Variants in ITGB1BP1 observed in about 807,000 individuals in gnomAD.
ITGB1BP1 encodes the protein integrin beta-1-binding protein 1.
ITGB1BP1 carries 20 observed loss-of-function variants against 28.0 expected under a neutral mutation model. That is an observed-to-expected ratio of 0.71 (90% CI 0.50 to 1.04). The LOEUF (loss-of-function observed/expected upper bound fraction) is 1.04, where lower values mean the gene tolerates loss of function less well. Among genes scored for constraint, ITGB1BP1 ranks in the 50% least tolerant of loss-of-function variants. The probability of loss-of-function intolerance (pLI) is 0.00; values close to 1 mark genes in which losing one functional copy is unlikely to be tolerated. For missense variants in ITGB1BP1, 228 were observed against 242.5 expected (o/e 0.94, Z 0.40); for synonymous variants, 103 against 89.5 (o/e 1.15, Z -0.85).
chr2:9,410,011 A>AT (rs1381759524), intron 4 of ITGB1BP1, among the ~76,000 whole-genome samples: 1 of 151,374 alleles, frequency 6.6e-6, no homozygotes, highest in East Asian at 2.0e-4. Context: ...CACCCAACTA[A>AT]TTTTTTTGTA....
intron 2 of ITGB1BP1, among the ~76,000 whole-genome samples, chr2:9,416,559 C>A (rs1340429973): frequency 6.6e-6 from 1 of 152,224 alleles, no homozygotes; most frequent in Non-Finnish European, 1.5e-5. Flanking sequence ...GCCCGCCCTG[C>A]AGATTGCAGA....
intron 6 of ITGB1BP1, 186 bp downstream of exon 6, chr2:9,407,263 A>G (rs1677588629): frequency 3.1e-6 from 2 of 653,088 alleles, no homozygotes; most frequent in South Asian, 3.9e-5. Flanking sequence ...CACTGGCCCT[A>G]ACAAATATTT....
At position 9,423,525 on chromosome 2, in the gene ITGB1BP1, C is replaced by T. The variant is rs1572756526; in HGVS notation, c.-188G>A. 8 of 1,193,190 alleles carry T rather than the reference C, an allele frequency of 6.7e-6. No homozygotes were observed. Among genetic ancestry groups the T allele is most frequent in the African/African-American group, 6.4e-5 (4 of 62,084 alleles). The allele number at this position is 1,193,190 out of a possible 1,614,324, so 73.9% of individuals were successfully genotyped here. On this transcript the variant is annotated 5_prime_UTR_variant, in exon 1 of 7. Transcript: ENST00000355346. ...CGTCCGCCGGGCCGCGCCTCCAAGA[C>T]TATGCGCAGGCGCAGTCCTGACGTC...
chr2:9,422,744 C>T (rs1680047456), intron 1 of ITGB1BP1: 1 of 985,504 alleles, frequency 1.0e-6, no homozygotes, highest in Non-Finnish European at 1.2e-6. Context: ...CAAACGCCTA[C>T]CACGTGCCAT....
chr2:9,413,015 T>A (rs1292845535), intron 3 of ITGB1BP1, among the ~76,000 whole-genome samples: 2 of 152,230 alleles, frequency 1.3e-5, no homozygotes, highest in Non-Finnish European at 2.9e-5. Context: ...ACAGCAACGG[T>A]TGAAGAGCTG....
rs1339005251 is a variant in ITGB1BP1 at position 9,415,328 on chromosome 2, A to C, written c.73-1072T>G. Among the ~76,000 whole-genome samples, 1 of 152,028 alleles carries C rather than the reference A, an allele frequency of 6.6e-6. No homozygotes were observed. Among genetic ancestry groups the C allele is most frequent in the Non-Finnish European group, 1.5e-5 (1 of 67,990 alleles). ...CAGGAGGTGGAGGTTGCAGTGAGCCAAGATCACGCCACTGCACTCCAGCCT... is the reference window on the plus strand; with the variant it reads ...CAGGAGGTGGAGGTTGCAGTGAGCCCAGATCACGCCACTGCACTCCAGCCT... On this transcript the variant is annotated intron_variant, in intron 2 of 6. Coordinates refer to ENST00000355346, the MANE Select transcript of ITGB1BP1 (RefSeq NM_004763.5). The surrounding 1 kb of genome is among the most constrained non-coding windows in gnomAD (Gnocchi z 4.1).
chr2:9,411,713 A>G (rs1271702546), intron 4 of ITGB1BP1, among the ~76,000 whole-genome samples: 3 of 145,332 alleles, frequency 2.1e-5, no homozygotes, highest in Non-Finnish European at 3.0e-5. Flanking sequence ...ACAGACCGAG[A>G]CTCCATCTCA....
At chr2:9,414,575 C>T (rs554209929) in intron 2 of ITGB1BP1, among the ~76,000 whole-genome samples, 1 of 152,366 alleles carries the variant, frequency 6.6e-6, no homozygotes, top group South Asian at 2.1e-4. Context: ...AATATTCTTG[C>T]GAACATCTCT....
At chr2:9,418,776 CTTTTT>C in intron 1 of ITGB1BP1, 44 bp from the exon 2 acceptor site, 6 of 951,988 alleles carry the variant, frequency 6.3e-6, no homozygotes, top group Non-Finnish European at 8.0e-6. Flanking sequence ...GGAAAAGCAA[CTTTTT>C]TTTTTTTTTT....
chr2:9,414,660 C>T (rs987139790), intron 2 of ITGB1BP1, among the ~76,000 whole-genome samples: 17 of 152,192 alleles, frequency 1.1e-4, no homozygotes, highest in Admixed American at 2.6e-4. Flanking sequence ...CCATGATCCC[C>T]GCTTACTAAA....
intron 4 of ITGB1BP1, 81 bp downstream of exon 4, chr2:9,412,188 G>A (rs766809394): frequency 2.0e-5 from 25 of 1,250,516 alleles, no homozygotes; most frequent in Non-Finnish European, 2.4e-5. Context: ...TGGACCCGAG[G>A]AGTGAGCATT....
At chr2:9,417,210 T>G (rs1679255104) in intron 2 of ITGB1BP1, among the ~76,000 whole-genome samples, 1 of 152,056 alleles carries the variant, frequency 6.6e-6, no homozygotes, top group African/African-American at 2.4e-5. Context: ...CACCTGCACC[T>G]GCCTCGCCCA....
At chr2:9,420,364 A>ACCAGGTGT (rs1003449078) in intron 1 of ITGB1BP1, 1 of 152,194 alleles carries the variant, frequency 6.6e-6, no homozygotes, top group African/African-American at 2.4e-5. Context: ...GTGAGCACCT[A>ACCAGGTGT]CCAGGTGTCG....
intron 1 of ITGB1BP1, among the ~76,000 whole-genome samples, chr2:9,421,979 G>T (rs548176532): frequency 4.6e-5 from 7 of 152,150 alleles, no homozygotes; most frequent in South Asian, 2.1e-4. Flanking sequence ...CTCCACCAGG[G>T]CCCCCGTCAT....
chr2:9,410,246 T>C (rs1678173037), intron 4 of ITGB1BP1, among the ~76,000 whole-genome samples: 1 of 152,116 alleles, frequency 6.6e-6, no homozygotes, highest in Non-Finnish European at 1.5e-5. Flanking sequence ...TCAGGTTTTT[T>C]TTGAGACAGT....
At position 9,406,893 on chromosome 2, in the gene ITGB1BP1, C is replaced by T; in HGVS notation, c.544G>A (p.Ala182Thr). 1.9e-6 allele frequency: 3 copies of T among 1,611,830 alleles called. No individual in the cohort carries two copies. Among genetic ancestry groups the T allele is most frequent in the Non-Finnish European group, 2.5e-6 (3 of 1,177,898 alleles). ...GCGGTGGATAAAACCTTGCAAATGG[C>T]TTGTGCTTGTTCCTACATTACATGA... The part of the protein sequence containing the change: ...YQCNSLEQAQ[A>T]ICKVLSTAFD... The change falls in exon 7 of 7, where the codon GCC becomes ACC. Residue 182 changes from alanine (A) to threonine (T), a missense_variant. Ala to Thr is a moderately conservative substitution (Grantham distance 58). Around this residue, in one of 2 missense-constraint regions of ITGB1BP1, gnomAD observed 192 missense variants for 181.6 expected, o/e 1.06. Coordinates refer to ENST00000355346, the MANE Select transcript of ITGB1BP1 (RefSeq NM_004763.5).
Position 9,415,148 on chromosome 2 carries a change from G to A in ITGB1BP1, c.73-892C>T, listed in dbSNP as rs1163821985. On this transcript the variant is annotated intron_variant, in intron 2 of 6. Coordinates refer to ENST00000355346, the MANE Select transcript of ITGB1BP1 (RefSeq NM_004763.5). The surrounding 1 kb of genome is among the most constrained non-coding windows in gnomAD (Gnocchi z 4.1). ...AATCCCAGCACTTTGGGAGGCTGACGTGGGTGGATCACCTGAGGTCAGGAG... is the reference window on the plus strand; with the variant it reads ...AATCCCAGCACTTTGGGAGGCTGACATGGGTGGATCACCTGAGGTCAGGAG... Among the ~76,000 whole-genome samples the A allele has an allele frequency of 1.3e-5, 2 of 152,122 alleles. No individual in the cohort carries two copies. Among genetic ancestry groups the A allele is most frequent in the Non-Finnish European group, 2.9e-5 (2 of 68,024 alleles).
At chr2:9,413,615 C>A (rs1678746709) in intron 3 of ITGB1BP1, among the ~76,000 whole-genome samples, 1 of 152,174 alleles carries the variant, frequency 6.6e-6, no homozygotes, top group South Asian at 2.1e-4. Context: ...CAGTCGTGAG[C>A]CAACGCACCC....
chr2:9,423,222 G>A, intron 1 of ITGB1BP1, 151 bp downstream of exon 1: 1 of 1,104,482 alleles, frequency 9.1e-7, no homozygotes. Flanking sequence ...GCGCGGCCCC[G>A]CCCGGAACCA....
Sources: allele counts gnomAD v4.1 joint callset (sites outside exome capture counted in the v4.1 genomes callset), GRCh38; gene constraint gnomAD v4.1.1; regional missense constraint gnomAD v4.1.1; non-coding constraint Gnocchi (gnomAD v3.1); transcripts MANE v1.5; gene names NCBI Gene and HGNC (gene_info 2026-07-23, HGNC 2026-07-21).